Variants in MAGI1 observed in about 807,000 individuals in gnomAD.
The protein encoded by MAGI1 is membrane-associated guanylate kinase, WW and PDZ domain-containing protein 1.
A neutral mutation model predicts 139.9 loss-of-function variants in MAGI1; 58 were observed. The ratio of observed to expected loss-of-function variants is 0.41; its 90% CI spans 0.34 to 0.52. The LOEUF is 0.52. Among genes scored for constraint, MAGI1 ranks in the 20% least tolerant of loss-of-function variants. The pLI, the probability that MAGI1 is intolerant of heterozygous loss-of-function variation, is 0.12. For missense variants in MAGI1, 1,874 were observed against 1,901.6 expected (o/e 0.99, Z 0.27); for synonymous variants, 812 against 737.9 (o/e 1.10, Z -1.63).
chr3:66,000,678 C>T (rs1413835716), intron 1 of MAGI1, among the ~76,000 whole-genome samples: 1 of 152,254 alleles, frequency 6.6e-6, no homozygotes, highest in Admixed American at 6.5e-5. Flanking sequence ...TGCTCAGCCC[C>T]CATGGTGGGG....
chr3:65,974,827 C>T (rs2065187461), intron 1 of MAGI1, among the ~76,000 whole-genome samples: 1 of 152,150 alleles, frequency 6.6e-6, no homozygotes, highest in South Asian at 2.1e-4. Context: ...ATTTTTATAA[C>T]CTTATCCTGG....
At chr3:65,560,029 C>T (rs547822726) in intron 2 of MAGI1, among the ~76,000 whole-genome samples, 59 of 152,282 alleles carry the variant, frequency 3.9e-4, no homozygotes, top group African/African-American at 1.3e-3. Flanking sequence ...GAGTGAGACC[C>T]TGTCTCGAAA....
At chr3:65,774,050 A>C (rs1474987502) in intron 1 of MAGI1, among the ~76,000 whole-genome samples, 2 of 151,946 alleles carry the variant, frequency 1.3e-5, no homozygotes, top group East Asian at 3.9e-4. Context: ...TAACCATCCC[A>C]GTAACTAAGT....
chr3:65,774,575 A>AC (rs1386406443), intron 1 of MAGI1, among the ~76,000 whole-genome samples: 1 of 152,174 alleles, frequency 6.6e-6, no homozygotes, highest in Non-Finnish European at 1.5e-5. Context: ...CTAAAAACTC[A>AC]GAGTCTACCA....
At chr3:65,879,392 G>A (rs1210953063) in intron 1 of MAGI1, among the ~76,000 whole-genome samples, 7 of 151,970 alleles carry the variant, frequency 4.6e-5, no homozygotes. Flanking sequence ...TCCAAGCAGA[G>A]AGAAGTCAGG....
At chr3:65,922,197 C>T (rs2062240374) in intron 1 of MAGI1, among the ~76,000 whole-genome samples, 1 of 152,054 alleles carries the variant, frequency 6.6e-6, no homozygotes, top group African/African-American at 2.4e-5. Flanking sequence ...AAAAATACAG[C>T]AGAGACTAGA....
intron 1 of MAGI1, among the ~76,000 whole-genome samples, chr3:65,970,665 C>T (rs1478937444): frequency 6.6e-6 from 1 of 152,092 alleles, no homozygotes; most frequent in Non-Finnish European, 1.5e-5. Flanking sequence ...CCAACACCAG[C>T]CAACCCACAC....
At chr3:65,443,555 T>C (rs908939710) in intron 7 of MAGI1, among the ~76,000 whole-genome samples, 33 of 152,328 alleles carry the variant, frequency 2.2e-4, no homozygotes, top group African/African-American at 6.3e-4. Context: ...CAGAACTTCC[T>C]AAGGTTTCAT....
At chr3:65,960,449 A>G (rs2064367376) in intron 1 of MAGI1, among the ~76,000 whole-genome samples, 1 of 152,174 alleles carries the variant, frequency 6.6e-6, no homozygotes, top group Admixed American at 6.5e-5. Flanking sequence ...GAACTGAAGA[A>G]GGGTGGGCAA....
intron 9 of MAGI1, among the ~76,000 whole-genome samples, chr3:65,438,336 C>T (rs775808111): frequency 3.9e-5 from 6 of 152,094 alleles, no homozygotes; most frequent in East Asian, 3.8e-4. Flanking sequence ...TGTGTACTTA[C>T]GGACATGAAG....
At chr3:65,767,173 A>G (rs1253381700) in intron 1 of MAGI1, among the ~76,000 whole-genome samples, 1 of 152,178 alleles carries the variant, frequency 6.6e-6, no homozygotes, top group African/African-American at 2.4e-5. Flanking sequence ...ATTTATCAAT[A>G]ATCACCTATT....
chr3:65,842,708 T>C (rs982726202), intron 1 of MAGI1, among the ~76,000 whole-genome samples: 1 of 152,202 alleles, frequency 6.6e-6, no homozygotes, highest in African/African-American at 2.4e-5. Context: ...GAAACAAATA[T>C]TTGGACCATA....
Position 66,038,197 on chromosome 3 carries a change from G to T in MAGI1, c.112C>A (p.His38Asn). 6.2e-7 allele frequency: 1 copy of T among 1,612,260 alleles called. No homozygotes were observed. ...LGVTVLGGAE[H>N]GEFPYVGAVA... ...GCTCCGACGTACGGAAACTCCCCGT[G>T]CTCCGCGCCTCCCAGCACCGTCACC... The change falls in exon 1 of 23, where the codon CAC becomes AAC. Residue 38 changes from histidine (H) to asparagine (N), a missense_variant. By Grantham distance (68) the His-to-Asn change is moderately conservative (BLOSUM62 1). Around this residue, in one of 5 missense-constraint regions of MAGI1, gnomAD observed 648 missense variants for 598.1 expected, o/e 1.08. Coordinates refer to ENST00000402939, the MANE Select transcript of MAGI1 (RefSeq NM_001033057.2).
chr3:65,705,460 T>C (rs2030061090), intron 1 of MAGI1, among the ~76,000 whole-genome samples: 1 of 152,208 alleles, frequency 6.6e-6, no homozygotes, highest in Non-Finnish European at 1.5e-5. Context: ...TACTTTAAAA[T>C]GGTTAAGTTT....
chr3:65,579,036 A>C (rs2081304720), intron 2 of MAGI1, among the ~76,000 whole-genome samples: 1 of 152,016 alleles, frequency 6.6e-6, no homozygotes, highest in Admixed American at 6.6e-5. Flanking sequence ...GGGGTCACTA[A>C]TACAAAACAT....
intron 2 of MAGI1, among the ~76,000 whole-genome samples, chr3:65,608,709 C>T (rs766280234): frequency 1.4e-4 from 22 of 152,232 alleles, no homozygotes; most frequent in Non-Finnish European, 2.8e-4. Flanking sequence ...GGTATAACTA[C>T]TTTGGAAACT....
chr3:65,721,463 C>T (rs1304460125), intron 1 of MAGI1, among the ~76,000 whole-genome samples: 1 of 152,188 alleles, frequency 6.6e-6, no homozygotes, highest in Non-Finnish European at 1.5e-5. Flanking sequence ...TAAGTGTGGT[C>T]ACCCTAGTTA....
Position 66,038,039 on chromosome 3 carries a change from G to A in MAGI1, c.270C>T (p.Ile90=). Residue 90 remains isoleucine, a synonymous_variant, in exon 1 of 23, where the codon ATC becomes ATT. Coordinates refer to ENST00000402939, the MANE Select transcript of MAGI1 (RefSeq NM_001033057.2). The part of the protein sequence containing the change: ...GLPRYDVLGV[I]DSCKEAVTFK... The stretch of plus-strand genomic sequence containing the variant: ...AGGTGACGGCCTCCTTGCAGCTGTC[G>A]ATGACCCCCAGCACGTCATAGCGGG... 6.2e-7 allele frequency: 1 copy of A among 1,607,556 alleles called. No homozygotes were observed.
rs938266495 is a variant in MAGI1 at position 65,354,039 on chromosome 3, C to A, written c.*2339G>T. 1 of 152,188 alleles carries A rather than the reference C, an allele frequency of 6.6e-6. No individual in the cohort carries two copies. The highest frequency in any genetic ancestry group is 2.4e-5 in the African/African-American group (1 of 41,442). 9.4% of individuals were successfully genotyped at this position (152,188 alleles called of 1,614,324 possible). A position where few individuals can be genotyped will look rare whatever the true frequency, so the allele number is the denominator to read the frequency against. ...TAACTTCAGGATATATTCCCAAAAT[C>A]CACCTTGATTTCATTTATTTAAAAC... On this transcript the variant is annotated 3_prime_UTR_variant, in exon 23 of 23. Coordinates refer to ENST00000402939, the MANE Select transcript of MAGI1 (RefSeq NM_001033057.2).
Sources: gnomAD v4.1 joint callset for allele counts (sites outside exome capture counted in the v4.1 genomes callset) on GRCh38, gnomAD v4.1.1 for gene constraint, gnomAD v4.1.1 regional missense constraint, MANE v1.5 for transcripts, NCBI Gene and HGNC (gene_info 2026-07-23, HGNC 2026-07-21) for gene names.